The following NXN variants were observed in gnomAD, a reference collection of about 807,000 sequenced individuals.
The protein encoded by NXN is nucleoredoxin 1.
In NXN, 16 loss-of-function variants were observed where a neutral mutation model predicts 48.6. That is an observed-to-expected ratio of 0.33 (90% confidence interval 0.22 to 0.50). NXN has a LOEUF of 0.50. Among genes scored for constraint, NXN ranks in the 20% least tolerant of loss-of-function variants. The probability of loss-of-function intolerance (pLI) is 0.98; values close to 1 mark genes in which losing one functional copy is unlikely to be tolerated. For synonymous variants in NXN, 281 were observed against 269.6 expected (o/e 1.04, Z -0.41); for missense variants, 492 against 605.5 (o/e 0.81, Z 1.97).
intron 1 of NXN, among the ~76,000 whole-genome samples, chr17:858,665 G>A (rs1321934489): frequency 1.3e-5 from 2 of 151,820 alleles, no homozygotes; most frequent in African/African-American, 2.4e-5. Context: ...GGAGGCGGAG[G>A]TTGCAGTGAG....
intron 1 of NXN, among the ~76,000 whole-genome samples, chr17:936,231 T>G (rs142226708): frequency 1.3e-5 from 2 of 152,094 alleles, no homozygotes; most frequent in African/African-American, 4.8e-5. Flanking sequence ...TCGGGCTCAA[T>G]GCTGTGGGGC....
At chr17:826,223 C>A in intron 1 of NXN, 145 bp from the exon 2 acceptor site, 1 of 711,786 alleles carries the variant, frequency 1.4e-6, no homozygotes, top group Non-Finnish European at 2.6e-6. Context: ...AGCAGGGCTG[C>A]TGGGCAAAGG....
chr17:877,038 C>T (rs1412659386), intron 1 of NXN, among the ~76,000 whole-genome samples: 1 of 151,248 alleles, frequency 6.6e-6, no homozygotes, highest in Admixed American at 6.6e-5. Context: ...TGAGATTGCA[C>T]CACTGCACTC....
chr17:866,325 G>GT lies in NXN; in HGVS notation c.361-40248dup, dbSNP rs1263623158. Among the ~76,000 whole-genome samples, 6 of 152,302 alleles carry GT rather than the reference G, an allele frequency of 3.9e-5. No homozygotes were observed. In the East Asian group the frequency reaches 1.2e-3, roughly 29 times the overall value. ...AGGCTGGGCGCAGTGGCTCACACCT[G>GT]TAATACCAGCACTTTGAGAGGCCGA... On this transcript the variant is annotated intron_variant, in intron 1 of 7. Transcript: ENST00000336868.
At chr17:820,302 A>T (rs1912753323) in intron 4 of NXN, among the ~76,000 whole-genome samples, 1 of 152,176 alleles carries the variant, frequency 6.6e-6, no homozygotes, top group Non-Finnish European at 1.5e-5. Context: ...AATAAAGTTG[A>T]TGCTTAAAAC....
chr17:957,657 A>G (rs1597276147), intron 1 of NXN, among the ~76,000 whole-genome samples: 1 of 151,766 alleles, frequency 6.6e-6, no homozygotes, highest in East Asian at 1.9e-4. Flanking sequence ...CATTTCTGCA[A>G]CCCGGCCCAG....
At position 953,232 on chromosome 17, in the gene NXN, T is replaced by G. The variant is rs567608460; in HGVS notation, c.360+26087A>C. On this transcript the variant is annotated intron_variant, in intron 1 of 7. Transcript: ENST00000336868. The stretch of plus-strand genomic sequence containing the variant: ...GAGTTTGAGACCAGCCTGGCCAACA[T>G]GGTGAAACCCCATCTCTACCAAAAA... Among the ~76,000 whole-genome samples the G allele has an allele frequency of 2.0e-3, 304 of 152,182 alleles. 2 individuals carry two copies. Among genetic ancestry groups the G allele is most frequent in the African/African-American group, 7.0e-3 (291 of 41,510 alleles).
intron 1 of NXN, among the ~76,000 whole-genome samples, chr17:845,231 C>G (rs559114349): frequency 4.6e-5 from 7 of 151,712 alleles, no homozygotes; most frequent in Non-Finnish European, 1.0e-4. Context: ...AGAGAGAATT[C>G]CACCCTTCTA....
intron 1 of NXN, among the ~76,000 whole-genome samples, chr17:933,934 G>T (rs1230082471): frequency 6.6e-6 from 1 of 152,120 alleles, no homozygotes; most frequent in Non-Finnish European, 1.5e-5. Context: ...AACATCCCTT[G>T]CCTTTTATTA....
intron 1 of NXN, among the ~76,000 whole-genome samples, chr17:859,524 G>A (rs933096398): frequency 2.6e-5 from 4 of 152,200 alleles, no homozygotes; most frequent in Admixed American, 6.6e-5. Context: ...CCTTATGCAG[G>A]AGGGAGGGGA....
chr17:939,678 A>G (rs1187286157), intron 1 of NXN, among the ~76,000 whole-genome samples: 5 of 152,046 alleles, frequency 3.3e-5, no homozygotes, highest in African/African-American at 7.2e-5. Flanking sequence ...ACGTTCTTAC[A>G]TGAAAATACA....
chr17:869,031 A>C (rs1225199847), intron 1 of NXN, among the ~76,000 whole-genome samples: 2 of 152,222 alleles, frequency 1.3e-5, no homozygotes, highest in Non-Finnish European at 2.9e-5. Flanking sequence ...CTATCACTGC[A>C]GACGCCAGGT....
intron 1 of NXN, among the ~76,000 whole-genome samples, chr17:846,415 AAAAAAAAAAAAAAAAAG>A (rs955203597): frequency 1.6e-4 from 22 of 136,548 alleles, no homozygotes; most frequent in African/African-American, 5.9e-4. Context: ...AATTGTCTCA[AAAAAAAAAAAAAAAAAG>A]AAAAGAAAAA....
Position 825,685 on chromosome 17 carries a change from T to C in NXN, c.478+276A>G, listed in dbSNP as rs1044626632. On this transcript the variant is annotated intron_variant, in intron 2 of 7. Coordinates refer to ENST00000336868, the MANE Select transcript of NXN (RefSeq NM_022463.5). This position sits in a 1 kb window ranked among gnomAD's most constrained non-coding sequence, Gnocchi z 4.1. The stretch of plus-strand genomic sequence containing the variant: ...GAGCTCTCCGCTTTCCCACAGCCTC[T>C]GCGGCCCTCCAAGCGGAGCTTCTTA... 4 of 347,982 alleles carry C rather than the reference T, an allele frequency of 1.1e-5. No individual in the cohort carries two copies. The highest frequency in any genetic ancestry group is 2.1e-5 in the Non-Finnish European group (4 of 192,622). The allele number at this position is 347,982 out of a possible 1,614,324, so 21.6% of individuals were successfully genotyped here. A position where few individuals can be genotyped will look rare whatever the true frequency, so the allele number is the denominator to read the frequency against.
chr17:864,070 G>A (rs2068069879), intron 1 of NXN: 2 of 1,465,562 alleles, frequency 1.4e-6, no homozygotes, highest in South Asian at 1.3e-5. Flanking sequence ...CCGGTGAAGG[G>A]GCACAGTTAC....
intron 1 of NXN, among the ~76,000 whole-genome samples, chr17:952,795 T>A (rs933187715): frequency 4.9e-4 from 46 of 94,822 alleles, no homozygotes; most frequent in Admixed American, 3.2e-3. Flanking sequence ...ACCCGGCAGG[T>A]ACCACGGACG....
intron 1 of NXN, among the ~76,000 whole-genome samples, chr17:887,424 C>T (rs1238665272): frequency 3.9e-5 from 6 of 152,072 alleles, no homozygotes; most frequent in East Asian, 3.9e-4. Flanking sequence ...GGGAAGCTGC[C>T]GTTCATATGC....
intron 1 of NXN, among the ~76,000 whole-genome samples, chr17:904,528 A>G (rs566868602): frequency 8.5e-5 from 13 of 152,176 alleles, no homozygotes; most frequent in Non-Finnish European, 1.3e-4. Context: ...ACTCACCCAC[A>G]TGGCAGTATT....
At chr17:955,214 C>A (rs1018564100) in intron 1 of NXN, among the ~76,000 whole-genome samples, 2 of 146,776 alleles carry the variant, frequency 1.4e-5, no homozygotes, top group Non-Finnish European at 3.0e-5. Context: ...GTCACCCAGG[C>A]TGGAGTGCAG....
Sources: gnomAD v4.1 joint callset for allele counts (sites outside exome capture counted in the v4.1 genomes callset) on GRCh38, gnomAD v4.1.1 for gene constraint, Gnocchi (gnomAD v3.1) non-coding constraint, MANE v1.5 for transcripts, NCBI Gene and HGNC (gene_info 2026-07-23, HGNC 2026-07-21) for gene names.